The following ZZEF1 variants were observed in gnomAD, a reference collection of about 807,000 sequenced individuals.
The protein encoded by ZZEF1 is zinc finger ZZ-type and EF-hand domain containing 1.
Under a neutral mutation model 342.8 loss-of-function variants are expected in ZZEF1, and 157 were observed. The observed-to-expected ratio is 0.46, with a 90% CI of 0.40 to 0.52. The LOEUF (loss-of-function observed/expected upper bound fraction) is 0.52, where lower values mean the gene tolerates loss of function less well. Ranked by LOEUF, ZZEF1 falls within the 20% of genes least tolerant of loss-of-function variation. The probability of loss-of-function intolerance (pLI) is 0.00; values close to 1 mark genes in which losing one functional copy is unlikely to be tolerated. For synonymous variants in ZZEF1, 1,505 were observed against 1,429.1 expected (o/e 1.05, Z -1.20); for missense variants, 3,480 against 3,725.6 (o/e 0.93, Z 1.72).
At chr17:4,039,039 C>T (rs1597797160) in intron 39 of ZZEF1, among the ~76,000 whole-genome samples, 1 of 146,668 alleles carries the variant, frequency 6.8e-6, no homozygotes, top group Non-Finnish European at 1.5e-5. Flanking sequence ...AAAGTGCCTG[C>T]TAAAAAAAAA....
chr17:4,029,611 G>C (rs1249819769), intron 42 of ZZEF1, among the ~76,000 whole-genome samples: 1 of 151,988 alleles, frequency 6.6e-6, no homozygotes, highest in Non-Finnish European at 1.5e-5. Context: ...CCTACCTTAA[G>C]AAACCTGTAA....
chr17:4,081,482 T>A lies in ZZEF1; in HGVS notation c.2723A>T (p.Asp908Val). Residue 908 changes from aspartate to valine, a missense_variant, in exon 18 of 55, where the codon GAT becomes GTT. By Grantham distance (152) the Asp-to-Val change is radical. This residue lies in a region of ZZEF1 where 1,528 missense variants were observed against 1,624.1 expected (regional missense o/e 0.94). Transcript: ENST00000381638. ...AGGTAAAAGAAGAAGGCCGCCTGGA[T>A]CCTTGTCACTGAAAGGATACAAATT... ...RSLCTYFSDK[D>V]PGGLLLLPEK... 2 of 1,613,832 alleles carry A rather than the reference T, an allele frequency of 1.2e-6. No homozygotes were observed. Among genetic ancestry groups the A allele is most frequent in the Non-Finnish European group, 1.7e-6 (2 of 1,179,792 alleles).
intron 1 of ZZEF1, among the ~76,000 whole-genome samples, chr17:4,142,026 C>T (rs149422936): frequency 2.2e-4 from 34 of 152,266 alleles, no homozygotes; most frequent in African/African-American, 7.9e-4. Context: ...TAAGGATCTA[C>T]AAACCAGTAT....
At chr17:4,032,003 A>T in intron 42 of ZZEF1, 123 bp downstream of exon 42, 1 of 1,067,454 alleles carries the variant, frequency 9.4e-7, no homozygotes, top group Non-Finnish European at 1.3e-6. Flanking sequence ...TCGGGGAGCT[A>T]TAACTTGTTC....
At chr17:4,064,915 T>C in intron 28 of ZZEF1, 86 bp from the exon 29 acceptor site, 1 of 986,238 alleles carries the variant, frequency 1.0e-6, no homozygotes, top group Non-Finnish European at 1.5e-6. Flanking sequence ...CATTAGAGGA[T>C]ATACCTAATG....
At chr17:4,093,337 T>C (rs557656151) in intron 11 of ZZEF1, among the ~76,000 whole-genome samples, 12 of 152,266 alleles carry the variant, frequency 7.9e-5, no homozygotes, top group African/African-American at 1.2e-4. Context: ...AAGACATTTG[T>C]TCAAATTCAT....
intron 7 of ZZEF1, among the ~76,000 whole-genome samples, chr17:4,105,133 T>C (rs1428436388): frequency 6.6e-6 from 1 of 152,220 alleles, no homozygotes; most frequent in African/African-American, 2.4e-5. Flanking sequence ...GGGTTTATGC[T>C]TGAAGCACTA....
chr17:4,021,459 C>T (rs2056268369), intron 44 of ZZEF1, 139 bp from the exon 45 acceptor site: 1 of 614,488 alleles, frequency 1.6e-6, no homozygotes, highest in Non-Finnish European at 2.6e-6. Flanking sequence ...AGAAAAGAAA[C>T]ACGAATGTAT....
At chr17:4,137,589 G>A (rs1333021594) in intron 1 of ZZEF1, among the ~76,000 whole-genome samples, 1 of 152,134 alleles carries the variant, frequency 6.6e-6, no homozygotes, top group African/African-American at 2.4e-5. Context: ...TCCAGCCTGG[G>A]CAACAGAGAC....
intron 11 of ZZEF1, 37 bp from the exon 12 acceptor site, chr17:4,090,867 T>C (rs776103210): frequency 6.5e-7 from 1 of 1,537,648 alleles, no homozygotes; most frequent in Non-Finnish European, 9.0e-7. Flanking sequence ...CATTTTATTT[T>C]GAAACTTCTC....
intron 52 of ZZEF1, among the ~76,000 whole-genome samples, chr17:4,012,575 G>A (rs1023451291): frequency 6.6e-5 from 10 of 152,146 alleles, no homozygotes; most frequent in East Asian, 3.9e-4. Context: ...CATATATGGC[G>A]CAGTCACTAC....
At chr17:4,019,583 G>T in intron 46 of ZZEF1, 86 bp downstream of exon 46, 1 of 1,241,552 alleles carries the variant, frequency 8.1e-7, no homozygotes, top group Non-Finnish European at 1.2e-6. Context: ...GATCGATCCA[G>T]AAGCTGCTGC....
chr17:4,105,865 A>G, intron 6 of ZZEF1, 56 bp from the exon 7 acceptor site: 1 of 1,411,712 alleles, frequency 7.1e-7, no homozygotes, highest in Non-Finnish European at 9.8e-7. Flanking sequence ...AATTTAGACA[A>G]AAAATAAACT....
chr17:4,106,107 G>A (rs935699854), intron 6 of ZZEF1, among the ~76,000 whole-genome samples: 5 of 152,014 alleles, frequency 3.3e-5, no homozygotes, highest in Non-Finnish European at 5.9e-5. Context: ...CCGCCACCAC[G>A]CTTGACTAAT....
In ZZEF1 at chr17:4,022,957, C is replaced by G. The variant is rs372425166; in HGVS notation, c.7093-129G>C. The G allele has an allele frequency of 4.9e-5, 62 of 1,267,698 alleles. No individual in the cohort carries two copies. The East Asian group carries it at 1.2e-3, about 25-fold the overall frequency. The allele number at this position is 1,267,698 out of a possible 1,614,324, so 78.5% of individuals were successfully genotyped here. On this transcript the variant is annotated intron_variant, in intron 43 of 54. Coordinates refer to ENST00000381638, the MANE Select transcript of ZZEF1 (RefSeq NM_015113.4). The stretch of plus-strand genomic sequence containing the variant: ...TTCAACACATACTTTTGAATGAAGC[C>G]TATTTTATGTCACACTCCCCTGCTC...
chr17:4,138,475 A>C (rs1418628000), intron 1 of ZZEF1, among the ~76,000 whole-genome samples: 6 of 152,230 alleles, frequency 3.9e-5, no homozygotes, highest in Admixed American at 1.3e-4. Flanking sequence ...AAAAGGTTAC[A>C]GACTGAATAT....
chr17:4,018,675 C>G (rs2056182550), intron 46 of ZZEF1, among the ~76,000 whole-genome samples: 2 of 152,158 alleles, frequency 1.3e-5, no homozygotes, highest in South Asian at 4.1e-4. Context: ...CTCGGTGGCC[C>G]TTCTCTCTCT....
At chr17:4,091,955 A>C (rs1416937342) in intron 11 of ZZEF1, among the ~76,000 whole-genome samples, 2 of 151,610 alleles carry the variant, frequency 1.3e-5, no homozygotes, top group Non-Finnish European at 2.9e-5. Context: ...GCATGCCTGT[A>C]ATCCCAGCTA....
intron 30 of ZZEF1, among the ~76,000 whole-genome samples, chr17:4,062,459 A>T (rs528532070): frequency 2.6e-5 from 4 of 151,912 alleles, no homozygotes; most frequent in Non-Finnish European, 5.9e-5. Flanking sequence ...TGTAAGCCTT[A>T]TATTTAGCTC....
Sources: allele counts gnomAD v4.1 joint callset (sites outside exome capture counted in the v4.1 genomes callset), GRCh38; gene constraint gnomAD v4.1.1; regional missense constraint gnomAD v4.1.1; transcripts MANE v1.5; gene names NCBI Gene and HGNC (gene_info 2026-07-23, HGNC 2026-07-21).